Variants in PDCD11 observed in about 807,000 individuals in gnomAD.
PDCD11 encodes the protein protein RRP5 homolog.
In PDCD11, 97 loss-of-function variants were observed where a neutral mutation model predicts 198.9. The ratio of observed to expected loss-of-function variants is 0.49; its 90% CI spans 0.41 to 0.58. The LOEUF (loss-of-function observed/expected upper bound fraction) is 0.58, where lower values mean the gene tolerates loss of function less well. Among genes scored for constraint, PDCD11 ranks in the 20% least tolerant of loss-of-function variants. PDCD11 has a pLI of 0.00. For synonymous variants in PDCD11, 893 were observed against 918.0 expected (o/e 0.97, Z 0.49); for missense variants, 2,102 against 2,312.7 (o/e 0.91, Z 1.87).
chr10:103,413,062 C>T, intron 8 of PDCD11, 54 bp from the exon 9 acceptor site: 1 of 1,403,288 alleles, frequency 7.1e-7, no homozygotes, highest in East Asian at 2.3e-5. Context: ...AAGGTCTGCT[C>T]TAGGGTGCTC....
At chr10:103,404,885 G>C (rs2030350682) in intron 4 of PDCD11, 137 bp from the exon 5 acceptor site, 1 of 685,220 alleles carries the variant, frequency 1.5e-6, no homozygotes, top group Non-Finnish European at 2.4e-6. Context: ...TTCCTTTGTG[G>C]ATGGGGGGTT....
intron 2 of PDCD11, 84 bp from the exon 3 acceptor site, chr10:103,400,313 G>T: frequency 8.0e-7 from 1 of 1,257,280 alleles, no homozygotes; most frequent in Non-Finnish European, 1.1e-6. Flanking sequence ...AAAGCAAGGT[G>T]AGTGATGACC....
At chr10:103,406,371 C>A (rs2030448721) in intron 6 of PDCD11, among the ~76,000 whole-genome samples, 1 of 152,172 alleles carries the variant, frequency 6.6e-6, no homozygotes, top group Admixed American at 6.5e-5. Context: ...GCCCCCATGG[C>A]TTCTGAACCA....
At chr10:103,403,342 T>G in intron 4 of PDCD11, 57 bp downstream of exon 4, 3 of 1,514,754 alleles carry the variant, frequency 2.0e-6, no homozygotes, top group Non-Finnish European at 2.7e-6. Flanking sequence ...CAAATAGATT[T>G]AAAATTACAA....
At chr10:103,430,165 A>G (rs977630370) in intron 21 of PDCD11, among the ~76,000 whole-genome samples, 23 of 151,508 alleles carry the variant, frequency 1.5e-4, no homozygotes, top group Non-Finnish European at 3.4e-4. Flanking sequence ...TAATTTTTGA[A>G]TTTTTTTTGT....
Position 103,446,285 on chromosome 10 carries a change from C to T in PDCD11, c.*736C>T, listed in dbSNP as rs891286611. The T allele has an allele frequency of 6.6e-6, 1 of 152,280 alleles. No individual in the cohort carries two copies. The highest frequency in any genetic ancestry group is 1.5e-5 in the Non-Finnish European group (1 of 68,094). 9.4% of individuals were successfully genotyped at this position (152,280 alleles called of 1,614,324 possible). On this transcript the variant is annotated 3_prime_UTR_variant, in exon 36 of 36. Coordinates refer to ENST00000369797, the MANE Select transcript of PDCD11 (RefSeq NM_014976.2). ...TGGTCATGAGGGAATTAAACGTTTTCTCTGGCAGAGCTTTAAGTGTCCTGA... is the reference window on the plus strand; with the variant it reads ...TGGTCATGAGGGAATTAAACGTTTTTTCTGGCAGAGCTTTAAGTGTCCTGA...
intron 8 of PDCD11, among the ~76,000 whole-genome samples, chr10:103,410,945 C>T (rs1297590182): frequency 4.6e-5 from 7 of 151,798 alleles, no homozygotes; most frequent in African/African-American, 1.5e-4. Context: ...CCTGGTGGTG[C>T]GTGCCTGTAG....
intron 8 of PDCD11, among the ~76,000 whole-genome samples, chr10:103,410,671 C>G (rs2133690774): frequency 6.7e-6 from 1 of 149,020 alleles, no homozygotes; most frequent in South Asian, 2.1e-4. Context: ...TGCAGTGGCG[C>G]AAACACGGCT....
Position 103,444,586 on chromosome 10 carries a change from T to G in PDCD11, c.5348T>G (p.Ile1783Ser). ...QLGDAERAKA[I>S]FENTLSTYPK... is the part of the protein sequence containing the mutation. ...GGGGATGCAGAGCGGGCCAAAGCCA[T>G]TTTTGAGAACACGCTGAGCACCTAC... Residue 1783 changes from isoleucine to serine, a missense_variant, in exon 35 of 36, where the codon ATT (isoleucine) becomes AGT (serine). Coordinates refer to ENST00000369797, the MANE Select transcript of PDCD11 (RefSeq NM_014976.2). 1 of 1,614,162 alleles carries G rather than the reference T, an allele frequency of 6.2e-7. No individual in the cohort carries two copies. Among genetic ancestry groups the G allele is most frequent in the South Asian group, 1.1e-5 (1 of 91,078 alleles).
intron 9 of PDCD11, 134 bp downstream of exon 9, chr10:103,413,456 C>T: frequency 1.5e-6 from 1 of 684,336 alleles, no homozygotes; most frequent in Non-Finnish European, 2.5e-6. Context: ...AATTCCTGTT[C>T]ATAGTGATTA....
intron 16 of PDCD11, 128 bp downstream of exon 16, chr10:103,419,836 C>G: frequency 2.4e-6 from 2 of 816,408 alleles, no homozygotes; most frequent in Non-Finnish European, 3.7e-6. Flanking sequence ...GTCGCCCAGG[C>G]TGGCTTGCAG....
intron 20 of PDCD11, among the ~76,000 whole-genome samples, chr10:103,426,924 T>C (rs1195776379): frequency 2.0e-5 from 3 of 147,508 alleles, no homozygotes; most frequent in African/African-American, 7.4e-5. Flanking sequence ...AGACCCCATC[T>C]CTACAAAAAA....
chr10:103,418,574 G>C lies in PDCD11; in HGVS notation c.2046G>C (p.Trp682Cys). The C allele has an allele frequency of 1.2e-6, 2 of 1,614,170 alleles. No homozygotes were observed. The highest frequency in any genetic ancestry group is 1.7e-6 in the Non-Finnish European group (2 of 1,180,026). ...HVANGPLLHH[W>C]LQAGDILHRV... ...CCAACGGCCCATTGTTACATCATTG[G>C]CTCCAGGCAGGTGACATCCTTCACC... The change falls in exon 15 of 36, where the codon TGG becomes TGC. Residue 682 changes from tryptophan to cysteine, a missense_variant. Physicochemically the swap from Trp to Cys is radical, Grantham distance 215. Coordinates refer to ENST00000369797, the MANE Select transcript of PDCD11 (RefSeq NM_014976.2).
chr10:103,409,596 CAGTT>C (rs766911902), intron 7 of PDCD11, 99 bp from the exon 8 acceptor site: 120 of 747,748 alleles, frequency 1.6e-4, no homozygotes, highest in Non-Finnish European at 2.6e-4. Context: ...GAGAGATACA[CAGTT>C]AGGGATACTA....
At chr10:103,441,442 A>G (rs943826240) in intron 30 of PDCD11, among the ~76,000 whole-genome samples, 2 of 151,956 alleles carry the variant, frequency 1.3e-5, no homozygotes, top group African/African-American at 4.8e-5. Flanking sequence ...ATTAGTAGAG[A>G]GGGGGTTTCG....
intron 25 of PDCD11, 51 bp downstream of exon 25, chr10:103,435,026 T>A (rs1234921420): frequency 1.2e-5 from 16 of 1,283,932 alleles, no homozygotes; most frequent in African/African-American, 1.5e-5. Flanking sequence ...TTGGTATATT[T>A]AAAAAAAAAC....
In PDCD11 at chr10:103,413,161, C is replaced by T. The variant is rs200342633; in HGVS notation, c.1024C>T (p.His342Tyr). The T allele has an allele frequency of 6.2e-7, 1 of 1,614,170 alleles. No homozygotes were observed. The highest frequency in any genetic ancestry group is 1.1e-5 in the South Asian group (1 of 91,080). ...CGTCCATCCTCGAACCAGAGTTGTG[C>T]ACCTGAGCCTGCGCCCCATCTTCCT... ...LCVHPRTRVV[H>Y]LSLRPIFLQP... is the part of the protein sequence containing the mutation. The change falls in exon 9 of 36, where the codon CAC becomes TAC. Residue 342 changes from histidine (H) to tyrosine (Y), a missense_variant. Coordinates refer to ENST00000369797, the MANE Select transcript of PDCD11 (RefSeq NM_014976.2).
Position 103,405,125 on chromosome 10 carries a change from C to G in PDCD11, c.506C>G (p.Ser169Cys). 1 of 1,614,116 alleles carries G rather than the reference C, an allele frequency of 6.2e-7. No homozygotes were observed. The highest frequency in any genetic ancestry group is 8.5e-7 in the Non-Finnish European group (1 of 1,180,002). Reference sequence around the variant, plus strand: ...AGGGGCAAGAAGAGTGTCAAGCTGTCTCTGAACCCCAAAAATGTCAACAGA... The same window carrying G: ...AGGGGCAAGAAGAGTGTCAAGCTGTGTCTGAACCCCAAAAATGTCAACAGA... ...TDRGKKSVKL[S>C]LNPKNVNRVL... The change falls in exon 5 of 36, where the codon TCT becomes TGT. Residue 169 changes from serine to cysteine, a missense_variant. Coordinates refer to ENST00000369797, the MANE Select transcript of PDCD11 (RefSeq NM_014976.2).
chr10:103,420,465 G>A (rs1405767234), intron 16 of PDCD11, among the ~76,000 whole-genome samples: 2 of 152,180 alleles, frequency 1.3e-5, no homozygotes, highest in Non-Finnish European at 2.9e-5. Flanking sequence ...TGCACTTTCA[G>A]ATGGGAACAA....
Sources: gnomAD v4.1 joint callset for allele counts (sites outside exome capture counted in the v4.1 genomes callset) on GRCh38, gnomAD v4.1.1 for gene constraint, MANE v1.5 for transcripts, NCBI Gene and HGNC (gene_info 2026-07-23, HGNC 2026-07-21) for gene names.